Variants in GPR107 observed in about 807,000 individuals in gnomAD.
The protein encoded by GPR107 is protein GPR107.
In GPR107, 31 loss-of-function variants were observed where a neutral mutation model predicts 75.5. That is an observed-to-expected ratio of 0.41 (90% CI 0.31 to 0.55). The LOEUF (loss-of-function observed/expected upper bound fraction) is 0.55, where lower values mean the gene tolerates loss of function less well. Among genes scored for constraint, GPR107 ranks in the 20% least tolerant of loss-of-function variants. The pLI, the probability that GPR107 is intolerant of heterozygous loss-of-function variation, is 0.26. For synonymous variants in GPR107, 267 were observed against 251.3 expected (o/e 1.06, Z -0.59); for missense variants, 572 against 665.7 (o/e 0.86, Z 1.55).
intron 3 of GPR107, 73 bp from the exon 4 acceptor site, chr9:130,077,226 T>C: frequency 2.4e-6 from 2 of 838,712 alleles, no homozygotes; most frequent in Non-Finnish European, 4.2e-6. Flanking sequence ...GTATTTGCTA[T>C]GTTCCTGAAA....
rs572726153 is a variant in GPR107, at chr9:130,091,897, T to C, written c.730-351T>C. On this transcript the variant is annotated intron_variant, in intron 8 of 17. Coordinates refer to ENST00000347136, the MANE Select transcript of GPR107 (RefSeq NM_020960.5). ...TTTTCGTAGAGACAGGGTTTCACCATGTTGGCCAGGCTGGTCTTGAACTCC... is the reference window on the plus strand; with the variant it reads ...TTTTCGTAGAGACAGGGTTTCACCACGTTGGCCAGGCTGGTCTTGAACTCC... Among the ~76,000 whole-genome samples, 8 of 152,264 alleles carry C rather than the reference T, an allele frequency of 5.3e-5. No individual in the cohort carries two copies. The South Asian group carries it at 1.7e-3, about 32-fold the overall frequency.
At chr9:130,065,738 G>C (rs1311242053) in intron 1 of GPR107, among the ~76,000 whole-genome samples, 1 of 134,800 alleles carries the variant, frequency 7.4e-6, no homozygotes, top group Non-Finnish European at 1.5e-5. Flanking sequence ...CTGCCCTCCA[G>C]CCTGGGTGAC....
At position 130,139,306 on chromosome 9, in the gene GPR107, C is replaced by T. The variant is rs1832036761; in HGVS notation, c.*4185C>T. ...AGACCCGCTCTTCACTCCAGTTTTC[C>T]CTAGGGTGTTTCTGGCAGGGCGTTT... On this transcript the variant is annotated 3_prime_UTR_variant, in exon 18 of 18. Coordinates refer to ENST00000347136, the MANE Select transcript of GPR107 (RefSeq NM_020960.5). 1 of 152,150 alleles carries T rather than the reference C, an allele frequency of 6.6e-6. No homozygotes were observed. Among genetic ancestry groups the T allele is most frequent in the Non-Finnish European group, 1.5e-5 (1 of 68,046 alleles). The allele number at this position is 152,150 out of a possible 1,614,324, so 9.4% of individuals were successfully genotyped here. A position where few individuals can be genotyped will look rare whatever the true frequency, so the allele number is the denominator to read the frequency against.
At chr9:130,066,707 C>T (rs1010912040) in intron 1 of GPR107, among the ~76,000 whole-genome samples, 14 of 152,016 alleles carry the variant, frequency 9.2e-5, no homozygotes, top group South Asian at 2.1e-4. Context: ...CTTGCTTGGC[C>T]GGGCGCGGTG....
intron 17 of GPR107, 64 bp from the exon 18 acceptor site, chr9:130,134,961 C>T: frequency 1.1e-6 from 1 of 886,866 alleles, no homozygotes; most frequent in South Asian, 1.4e-5. Flanking sequence ...CGTGCTGTGG[C>T]AGAGATGGCC....
chr9:130,085,754 A>ATTTTTTTTGTTTTTTTTTTTTTTTTTTT (rs1830598689), intron 6 of GPR107, among the ~76,000 whole-genome samples: 3 of 78,672 alleles, frequency 3.8e-5, no homozygotes, highest in African/African-American at 5.0e-5. Flanking sequence ...CAATATTTTG[A>ATTTTTTTTGTTTTTTTTTTTTTTTTTTT]TTTTTTTTTT....
rs772615360 is a variant in GPR107 at position 130,107,483 on chromosome 9, TG to T, written c.1263-12del. On this transcript the variant is annotated splice_polypyrimidine_tract_variant and intron_variant, in intron 13 of 17. Coordinates refer to ENST00000347136, the MANE Select transcript of GPR107 (RefSeq NM_020960.5). Reference sequence around the variant, plus strand: ...GTCAGCTAACTTTTTGTTCTCTAAATGTTTATTTTTAGGTCAATCAGACATT... The same window carrying T: ...GTCAGCTAACTTTTTGTTCTCTAAATTTTATTTTTAGGTCAATCAGACATT... 2.6e-6 allele frequency: 4 copies of T among 1,542,678 alleles called. No individual in the cohort carries two copies. The East Asian group carries it at 9.0e-5, about 35-fold the overall frequency.
In GPR107 at chr9:130,134,438, G is replaced by A. The variant is rs571562143; in HGVS notation, c.1563-587G>A. Among the ~76,000 whole-genome samples, 66 of 152,340 alleles carry A rather than the reference G, an allele frequency of 4.3e-4. No homozygotes were observed. The East Asian group carries it at 7.3e-3, about 17-fold the overall frequency. On this transcript the variant is annotated intron_variant, in intron 17 of 17. Coordinates refer to ENST00000347136, the MANE Select transcript of GPR107 (RefSeq NM_020960.5). Reference sequence around the variant, plus strand: ...AGACAGAGCCCCGGGAGCTCACAGAGTGGAGGCAGAGGCCATGCGCTGAGG... The same window carrying A: ...AGACAGAGCCCCGGGAGCTCACAGAATGGAGGCAGAGGCCATGCGCTGAGG...
At chr9:130,068,764 C>T (rs1372775259) in intron 1 of GPR107, among the ~76,000 whole-genome samples, 3 of 143,024 alleles carry the variant, frequency 2.1e-5, no homozygotes, top group Admixed American at 7.1e-5. Context: ...TTTTTTGAGA[C>T]GAGGTTTTGC....
At chr9:130,121,388 A>G (rs1368173770) in intron 14 of GPR107, among the ~76,000 whole-genome samples, 2 of 152,196 alleles carry the variant, frequency 1.3e-5, no homozygotes, top group African/African-American at 4.8e-5. Flanking sequence ...AAGTTTACAA[A>G]TCTGTGTTGG....
At chr9:130,085,886 G>A (rs1830605023) in intron 6 of GPR107, among the ~76,000 whole-genome samples, 1 of 151,506 alleles carries the variant, frequency 6.6e-6, no homozygotes, top group South Asian at 2.1e-4. Flanking sequence ...GAGTAGCTGG[G>A]ATTATAGACA....
chr9:130,128,720 A>C lies in GPR107; in HGVS notation c.1521A>C (p.Leu507=). Residue 507 remains leucine (L), a synonymous_variant, in exon 17 of 18, where the codon CTA becomes CTC. Transcript: ENST00000347136. ...GTCCGGCTTCAGATAACCCCTACCTACAACTTTCTCAGGAAGAAGAAGACT... is the reference window on the plus strand; with the variant it reads ...GTCCGGCTTCAGATAACCCCTACCTCCAACTTTCTCAGGAAGAAGAAGACT... ...KFRPASDNPY[L]QLSQEEEDLE... The C allele has an allele frequency of 6.2e-7, 1 of 1,612,576 alleles. No individual in the cohort carries two copies. The highest frequency in any genetic ancestry group is 8.5e-7 in the Non-Finnish European group (1 of 1,178,586).
In GPR107 at chr9:130,135,640, A is replaced by G. The variant is rs13288221; in HGVS notation, c.*519A>G. The G allele has an allele frequency of 6.5e-6, 1 of 153,306 alleles. No individual in the cohort carries two copies. Among genetic ancestry groups the G allele is most frequent in the Admixed American group, 6.5e-5 (1 of 15,472 alleles). 9.5% of individuals were successfully genotyped at this position (153,306 alleles called of 1,614,324 possible). On this transcript the variant is annotated 3_prime_UTR_variant, in exon 18 of 18. Coordinates refer to ENST00000347136, the MANE Select transcript of GPR107 (RefSeq NM_020960.5). Reference sequence around the variant, plus strand: ...CGAAAACAGGTGACTTTGGAAAGCAAAGTCAAAACCCAGTTTAGGATGTAG... The same window carrying G: ...CGAAAACAGGTGACTTTGGAAAGCAGAGTCAAAACCCAGTTTAGGATGTAG...
At chr9:130,073,874 G>A (rs960911840) in intron 1 of GPR107, among the ~76,000 whole-genome samples, 3 of 152,304 alleles carry the variant, frequency 2.0e-5, no homozygotes, top group African/African-American at 7.2e-5. Flanking sequence ...TCCTGCCTCA[G>A]CCTCCCAAGT....
At chr9:130,091,942 C>T (rs895606987) in intron 8 of GPR107, among the ~76,000 whole-genome samples, 1 of 152,024 alleles carries the variant, frequency 6.6e-6, no homozygotes, top group Non-Finnish European at 1.5e-5. Flanking sequence ...GATCCACCTA[C>T]CTCGGCCTCC....
At chr9:130,072,317 T>C (rs1392518437) in intron 1 of GPR107, among the ~76,000 whole-genome samples, 1 of 151,892 alleles carries the variant, frequency 6.6e-6, no homozygotes, top group African/African-American at 2.4e-5. Flanking sequence ...CCCCTGGGGT[T>C]CACGCCATTC....
At chr9:130,084,047 C>CACATATATATATATAT (rs1554892944) in intron 6 of GPR107, among the ~76,000 whole-genome samples, 1 of 130,908 alleles carries the variant, frequency 7.6e-6, no homozygotes, top group Non-Finnish European at 1.6e-5. Flanking sequence ...AGAGAGCTAA[C>CACATATATATATATAT]ATATATATAT....
intron 7 of GPR107, among the ~76,000 whole-genome samples, chr9:130,086,872 A>T (rs764821889): frequency 6.6e-5 from 10 of 152,084 alleles, no homozygotes; most frequent in Non-Finnish European, 1.0e-4. Context: ...TTTAGAGATG[A>T]TTTCACCTAG....
At chr9:130,109,466 C>T (rs1370558365) in intron 14 of GPR107, among the ~76,000 whole-genome samples, 1 of 152,062 alleles carries the variant, frequency 6.6e-6, no homozygotes, top group Non-Finnish European at 1.5e-5. Flanking sequence ...CCACCACGCC[C>T]AGCCTCTTTG....
Sources: gnomAD v4.1 joint callset for allele counts (sites outside exome capture counted in the v4.1 genomes callset) on GRCh38, gnomAD v4.1.1 for gene constraint, MANE v1.5 for transcripts, NCBI Gene and HGNC (gene_info 2026-07-23, HGNC 2026-07-21) for gene names.